Variants in ANKFN1 observed in about 807,000 individuals in gnomAD.
ANKFN1 encodes ankyrin repeat and fibronectin type III domain containing 1.
Under a neutral mutation model 108.7 loss-of-function variants are expected in ANKFN1, and 74 were observed. The ratio of observed to expected loss-of-function variants is 0.68; its 90% confidence interval spans 0.56 to 0.83. ANKFN1 has a LOEUF of 0.83. Among genes scored for constraint, ANKFN1 ranks in the 40% least tolerant of loss-of-function variants. ANKFN1 has a pLI of 0.00. For synonymous variants in ANKFN1, 547 were observed against 516.2 expected (o/e 1.06, Z -0.81); for missense variants, 1,505 against 1,382.3 (o/e 1.09, Z -1.41).
chr17:56,159,671 G>A (rs954388852), intron 1 of ANKFN1, among the ~76,000 whole-genome samples: 6 of 152,146 alleles, frequency 3.9e-5, no homozygotes, highest in Non-Finnish European at 5.9e-5. Context: ...CAAGACACAC[G>A]TATTAATAAC....
chr17:56,394,838 T>C (rs1445835271), intron 8 of ANKFN1, among the ~76,000 whole-genome samples: 1 of 152,190 alleles, frequency 6.6e-6, no homozygotes, highest in African/African-American at 2.4e-5. Context: ...TTTGGCCAGA[T>C]CCCTTTGCAG....
chr17:56,350,798 A>C lies in ANKFN1; in HGVS notation c.221A>C (p.Gln74Pro). Residue 74 changes from glutamine (Q) to proline (P), a missense_variant, in exon 5 of 21, where the codon CAA becomes CCA. Physicochemically the swap from Gln to Pro is moderately conservative, Grantham distance 76. Transcript: ENST00000682825. The part of the protein sequence containing the change: ...NCRVKMTQQM[Q>P]NLHLCQSKKH... ...CGTGTGAAAATGACGCAACAAATGCAAAATTTACATCTCTGTCAGTCAAAA... is the reference window on the plus strand; with the variant it reads ...CGTGTGAAAATGACGCAACAAATGCCAAATTTACATCTCTGTCAGTCAAAA... The C allele has an allele frequency of 1.9e-6, 3 of 1,613,784 alleles. No homozygotes were observed. The highest frequency in any genetic ancestry group is 2.5e-6 in the Non-Finnish European group (3 of 1,179,802).
chr17:56,310,705 T>A (rs1290788088), intron 3 of ANKFN1, among the ~76,000 whole-genome samples: 1 of 152,160 alleles, frequency 6.6e-6, no homozygotes, highest in East Asian at 1.9e-4. Context: ...GAAATGATTA[T>A]CACTAGCAAG....
At chr17:56,383,562 A>G (rs2144828556) in intron 8 of ANKFN1, among the ~76,000 whole-genome samples, 1 of 152,338 alleles carries the variant, frequency 6.6e-6, no homozygotes, top group Admixed American at 6.5e-5. Context: ...GAAAGGATCA[A>G]CAAAATTGAT....
intron 2 of ANKFN1, among the ~76,000 whole-genome samples, chr17:56,220,139 G>A (rs1210135388): frequency 6.6e-6 from 1 of 152,120 alleles, no homozygotes; most frequent in Non-Finnish European, 1.5e-5. Context: ...ATTCAACAAG[G>A]CACTCCCAAA....
intron 4 of ANKFN1, among the ~76,000 whole-genome samples, chr17:56,146,299 C>T (rs1859013802): frequency 6.6e-6 from 1 of 152,188 alleles, no homozygotes; most frequent in Admixed American, 6.5e-5. Flanking sequence ...ATGGTGCAGC[C>T]TGTTAGTGGA....
chr17:56,285,978 A>G (rs1175073508), intron 3 of ANKFN1, among the ~76,000 whole-genome samples: 5 of 152,080 alleles, frequency 3.3e-5, no homozygotes, highest in Non-Finnish European at 7.4e-5. Flanking sequence ...TCCCAGAGTG[A>G]CTTTATTTTA....
intron 19 of ANKFN1, among the ~76,000 whole-genome samples, chr17:56,495,313 GTCTCTCTCTC>G (rs150627971): frequency 6.8e-6 from 1 of 147,478 alleles, no homozygotes; most frequent in South Asian, 2.2e-4. Flanking sequence ...TGACTTTGTG[GTCTCTCTCTC>G]TCTCTCTCTC....
At chr17:56,460,648 CT>C (rs954527414) in intron 14 of ANKFN1, among the ~76,000 whole-genome samples, 79 of 145,952 alleles carry the variant, frequency 5.4e-4, no homozygotes, top group Admixed American at 1.6e-3. Context: ...ACCGAACCTT[CT>C]TTTTTTTTTT....
intron 4 of ANKFN1, among the ~76,000 whole-genome samples, chr17:56,056,649 C>A (rs1046184218): frequency 5.3e-5 from 8 of 152,186 alleles, no homozygotes; most frequent in Non-Finnish European, 1.0e-4. Context: ...GGACCCCTAT[C>A]CCTTACCATA....
intron 4 of ANKFN1, among the ~76,000 whole-genome samples, chr17:56,103,232 T>C (rs1341602337): frequency 1.3e-5 from 2 of 152,126 alleles, no homozygotes. Flanking sequence ...CTATGTATCC[T>C]GCCTAGAATT....
intron 3 of ANKFN1, among the ~76,000 whole-genome samples, chr17:56,295,230 T>C (rs891627302): frequency 6.6e-6 from 1 of 152,218 alleles, no homozygotes; most frequent in African/African-American, 2.4e-5. Context: ...GAGACGGTCA[T>C]CCTTTCTAGT....
chr17:56,426,471 T>C (rs2048571007), intron 8 of ANKFN1, among the ~76,000 whole-genome samples: 1 of 152,214 alleles, frequency 6.6e-6, no homozygotes, highest in Non-Finnish European at 1.5e-5. Flanking sequence ...ATCTACCAGT[T>C]AAGCAGATGA....
In ANKFN1 at chr17:56,499,115, G is replaced by T. The variant is rs534619709; in HGVS notation, c.2644+17G>T. The T allele has an allele frequency of 1.3e-6, 2 of 1,534,164 alleles. No individual in the cohort carries two copies. Among genetic ancestry groups the T allele is most frequent in the South Asian group, 1.2e-5 (1 of 83,910 alleles). On this transcript the variant is annotated intron_variant, in intron 20 of 20. Transcript: ENST00000682825. ...CAGTGAGTGGTAAGCAATGAGATCT[G>T]AAGTTCTGTTGTTTAGTCCCTGGAC...
intron 8 of ANKFN1, among the ~76,000 whole-genome samples, chr17:56,427,253 T>C (rs2048597800): frequency 1.3e-5 from 2 of 151,974 alleles, no homozygotes; most frequent in Admixed American, 1.3e-4. Context: ...GAGAAACAGG[T>C]GACTAAAAGA....
intron 8 of ANKFN1, among the ~76,000 whole-genome samples, chr17:56,399,084 A>T (rs60510456): frequency 0.016 from 2,400 of 152,258 alleles, 59 homozygotes; most frequent in African/African-American, 0.055. Flanking sequence ...AATTTCAATA[A>T]GAAGGCTACT....
At chr17:56,308,839 G>A (rs576441476) in intron 3 of ANKFN1, among the ~76,000 whole-genome samples, 5 of 152,138 alleles carry the variant, frequency 3.3e-5, no homozygotes, top group South Asian at 4.2e-4. Context: ...GTGAGTTTGC[G>A]CCTTTTATCT....
intron 1 of ANKFN1, among the ~76,000 whole-genome samples, chr17:56,180,506 A>G (rs1432533140): frequency 6.6e-6 from 1 of 152,188 alleles, no homozygotes; most frequent in Non-Finnish European, 1.5e-5. Flanking sequence ...TATAGAGATG[A>G]CACTACTGAA....
intron 3 of ANKFN1, among the ~76,000 whole-genome samples, chr17:56,286,564 A>G (rs999197400): frequency 1.1e-4 from 16 of 152,120 alleles, no homozygotes; most frequent in Admixed American, 4.6e-4. Context: ...ACACCCATAC[A>G]TGGCCTCTCC....
Sources: gnomAD v4.1 joint callset for allele counts (sites outside exome capture counted in the v4.1 genomes callset) on GRCh38, gnomAD v4.1.1 for gene constraint, MANE v1.5 for transcripts, NCBI Gene and HGNC (gene_info 2026-07-23, HGNC 2026-07-21) for gene names.